HHLA2: variants seen among roughly 807,000 people sequenced by gnomAD.
The protein encoded by HHLA2 is HERV-H LTR-associating protein 2.
In HHLA2, 48 loss-of-function variants were observed where a neutral mutation model predicts 45.9. The observed-to-expected ratio is 1.05, with a 90% CI of 0.83 to 1.33. HHLA2 has a LOEUF of 1.33. Ranked by LOEUF, HHLA2 falls within the 40% of genes most tolerant of loss-of-function variation. The pLI is 0.00. For missense variants in HHLA2, 462 were observed against 494.3 expected (o/e 0.93, Z 0.62); for synonymous variants, 161 against 173.9 (o/e 0.93, Z 0.59).
At chr3:108,349,172 A>T (rs2081727849) in intron 3 of HHLA2, among the ~76,000 whole-genome samples, 1 of 149,846 alleles carries the variant, frequency 6.7e-6, no homozygotes. Context: ...GGAACAAAAA[A>T]CCCTTCAAAA....
At chr3:108,325,577 G>C (rs1474524066) in intron 2 of HHLA2, 3 of 257,274 alleles carry the variant, frequency 1.2e-5, no homozygotes, top group African/African-American at 2.3e-5. Flanking sequence ...CAAAGTATTG[G>C]CCTCCCCCAC....
At chr3:108,354,244 T>G (rs1377650463) in intron 5 of HHLA2, among the ~76,000 whole-genome samples, 2 of 152,106 alleles carry the variant, frequency 1.3e-5, no homozygotes, top group Non-Finnish European at 2.9e-5. Flanking sequence ...CTTCTCTGTA[T>G]TAGCTATATA....
intron 1 of HHLA2, among the ~76,000 whole-genome samples, chr3:108,300,244 C>G (rs2080828307): frequency 6.6e-6 from 1 of 152,068 alleles, no homozygotes. Flanking sequence ...CTGTTCACAG[C>G]ATGAAGTACC....
intron 2 of HHLA2, among the ~76,000 whole-genome samples, chr3:108,312,922 G>A (rs1361431141): frequency 6.6e-6 from 1 of 150,924 alleles, no homozygotes; most frequent in Non-Finnish European, 1.5e-5. Flanking sequence ...GAGCTTCAAT[G>A]TAGTGATGAT....
At position 108,304,343 on chromosome 3, in the gene HHLA2, G is replaced by C. The variant is rs559676759; in HGVS notation, c.-191-6312G>C. 2.4e-4 allele frequency among the ~76,000 whole-genome samples: 36 copies of C among 152,234 alleles called. No homozygotes were observed. In the South Asian group the frequency reaches 6.6e-3, roughly 28 times the overall value. On this transcript the variant is annotated intron_variant, in intron 1 of 10. Coordinates refer to ENST00000619531, the Ensembl canonical transcript of HHLA2. ...CTGAAGGCTAGAAGTCCAAAATCAA[G>C]GTGTTGGCAGGCCCACACTTCTGAA...
At position 108,353,377 on chromosome 3, in the gene HHLA2, C is replaced by T. The variant is rs1272750905; in HGVS notation, c.65-50C>T. The T allele has an allele frequency of 3.3e-6, 4 of 1,226,582 alleles. No homozygotes were observed. In the South Asian group the frequency reaches 4.4e-5, roughly 13 times the overall value. The allele number at this position is 1,226,582 out of a possible 1,614,324, so 76.0% of individuals were successfully genotyped here. The stretch of plus-strand genomic sequence containing the variant: ...TGGGTAGTTCTGGTATAATCCTGAA[C>T]AAGCACATGGCATTAATTCTCTTTA... On this transcript the variant is annotated intron_variant, in intron 4 of 10. Coordinates refer to ENST00000619531, the Ensembl canonical transcript of HHLA2.
chr3:108,297,947 T>C (rs2080790317), intron 1 of HHLA2, among the ~76,000 whole-genome samples: 1 of 152,230 alleles, frequency 6.6e-6, no homozygotes, highest in Non-Finnish European at 1.5e-5. Context: ...ATGTCAACTC[T>C]AAATTCCCAG....
intron 8 of HHLA2, among the ~76,000 whole-genome samples, chr3:108,363,321 C>T (rs1418855863): frequency 2.0e-5 from 3 of 152,092 alleles, no homozygotes; most frequent in Non-Finnish European, 4.4e-5. Flanking sequence ...CATTTAATAT[C>T]ACCAAGCCAG....
At chr3:108,301,744 A>C (rs970983927) in intron 1 of HHLA2, among the ~76,000 whole-genome samples, 3 of 152,182 alleles carry the variant, frequency 2.0e-5, no homozygotes, top group Non-Finnish European at 4.4e-5. Context: ...CAACTCAAGC[A>C]GCCTCAAGGT....
intron 3 of HHLA2, among the ~76,000 whole-genome samples, chr3:108,347,442 G>C (rs1391258449): frequency 6.6e-6 from 1 of 152,160 alleles, no homozygotes; most frequent in Admixed American, 6.6e-5. Context: ...TTTGTGGGCT[G>C]CTGTGGGAAA....
Position 108,367,315 on chromosome 3 carries a change from A to G in HHLA2, c.1108+4869A>G, listed in dbSNP as rs573766254. Among the ~76,000 whole-genome samples the G allele has an allele frequency of 3.3e-5, 5 of 152,104 alleles. No individual in the cohort carries two copies. In the East Asian group the frequency reaches 5.8e-4, roughly 18 times the overall value. ...GCTTCTTCTCTTCCAAATGATTGTA[A>G]CTCCTCTCCAGCAAGAGCACAAAAT... On this transcript the variant is annotated intron_variant, in intron 8 of 10. Transcript: ENST00000619531.
At chr3:108,334,432 C>A (rs563480621) in intron 3 of HHLA2, among the ~76,000 whole-genome samples, 5 of 152,216 alleles carry the variant, frequency 3.3e-5, no homozygotes, top group African/African-American at 9.6e-5. Flanking sequence ...TTGAAAATAG[C>A]CTAGGATGTG....
At chr3:108,302,080 A>ATACT (rs1463968327) in intron 1 of HHLA2, among the ~76,000 whole-genome samples, 1 of 152,216 alleles carries the variant, frequency 6.6e-6, no homozygotes, top group Non-Finnish European at 1.5e-5. Flanking sequence ...TTATATTAGT[A>ATACT]ATCTAATTCA....
intron 3 of HHLA2, among the ~76,000 whole-genome samples, chr3:108,350,829 C>T (rs887891288): frequency 6.6e-6 from 1 of 152,094 alleles, no homozygotes; most frequent in Non-Finnish European, 1.5e-5. Context: ...GGACTACAGG[C>T]ACATGCCACC....
chr3:108,362,271 C>T, intron 7 of HHLA2, 71 bp from the exon 7 acceptor site: 4 of 1,069,470 alleles, frequency 3.7e-6, no homozygotes, highest in Non-Finnish European at 5.6e-6. Flanking sequence ...CCACCCTTAC[C>T]CACCCACACA....
intron 2 of HHLA2, among the ~76,000 whole-genome samples, chr3:108,311,550 C>T (rs2081018228): frequency 6.6e-6 from 1 of 152,106 alleles, no homozygotes; most frequent in African/African-American, 2.4e-5. Flanking sequence ...AATCCTCCAA[C>T]TTTTCTAGAG....
intron 3 of HHLA2, among the ~76,000 whole-genome samples, chr3:108,345,477 T>C (rs1238945023): frequency 4.6e-5 from 7 of 152,230 alleles, no homozygotes; most frequent in Non-Finnish European, 1.0e-4. Context: ...ATAACTACTT[T>C]TATTGGACCC....
intron 3 of HHLA2, among the ~76,000 whole-genome samples, chr3:108,337,177 T>A (rs540224017): frequency 1.3e-5 from 2 of 152,196 alleles, no homozygotes; most frequent in Non-Finnish European, 2.9e-5. Flanking sequence ...CAAGGTAGCA[T>A]TAACATTTCT....
intron 1 of HHLA2, among the ~76,000 whole-genome samples, chr3:108,304,737 G>A (rs2080902008): frequency 6.6e-6 from 1 of 152,116 alleles, no homozygotes; most frequent in Admixed American, 6.6e-5. Context: ...TCTGCAGATC[G>A]CTAATCTCTC....
Sources: allele counts gnomAD v4.1 joint callset (sites outside exome capture counted in the v4.1 genomes callset), GRCh38; gene constraint gnomAD v4.1.1; transcripts MANE v1.5; gene names NCBI Gene and HGNC (gene_info 2026-07-23, HGNC 2026-07-21).